The following DCTN2 variants were observed in gnomAD, a reference collection of about 807,000 sequenced individuals.
DCTN2 encodes the protein 50 kDa dynein-associated polypeptide.
DCTN2 carries 18 observed loss-of-function variants against 55.4 expected under a neutral mutation model. The observed-to-expected ratio is 0.32, with a 90% CI of 0.22 to 0.48. The LOEUF (loss-of-function observed/expected upper bound fraction) is 0.48, where lower values mean the gene tolerates loss of function less well. DCTN2 is among the 20% of genes least tolerant of loss of function. The pLI is 0.99. For missense variants in DCTN2, 390 were observed against 491.0 expected (o/e 0.79, Z 1.94); for synonymous variants, 168 against 185.2 (o/e 0.91, Z 0.76).
Position 57,534,432 on chromosome 12 carries a change from G to C in DCTN2, c.384C>G (p.Ala128=). Reference sequence around the variant, plus strand: ...ACACAGGGGTCAGCTTCTCCTCTGTGGCTGACTCCTTCACTGTCGTCTAGT... The same window carrying C: ...ACACAGGGGTCAGCTTCTCCTCTGTCGCTGACTCCTTCACTGTCGTCTAGT... ...EKIKTTVKES[A]TEEKLTPVLL... The change falls in exon 6 of 14, where the codon GCC becomes GCG. Residue 128 remains alanine, a synonymous_variant. Coordinates refer to ENST00000548249, the MANE Select transcript of DCTN2 (RefSeq NM_001261413.2). 1 of 1,604,366 alleles carries C rather than the reference G, an allele frequency of 6.2e-7. No homozygotes were observed. The highest frequency in any genetic ancestry group is 1.1e-5 in the South Asian group (1 of 89,666).
chr12:57,538,197 G>A (rs1369770477), intron 2 of DCTN2: 5 of 447,696 alleles, frequency 1.1e-5, no homozygotes, highest in Non-Finnish European at 2.1e-5. Flanking sequence ...CAGTCACAGG[G>A]ACAGAGAGCA....
chr12:57,539,945 G>C, intron 2 of DCTN2: 1 of 248,224 alleles, frequency 4.0e-6, no homozygotes, highest in Non-Finnish European at 6.4e-6. Flanking sequence ...AGAATCATTT[G>C]AACCCGGGAG....
intron 2 of DCTN2, among the ~76,000 whole-genome samples, chr12:57,540,522 T>C (rs1432836225): frequency 6.6e-6 from 1 of 152,194 alleles, no homozygotes; most frequent in Non-Finnish European, 1.5e-5. Flanking sequence ...TCCCAGTCTC[T>C]TTCACTAAGG....
intron 2 of DCTN2, among the ~76,000 whole-genome samples, chr12:57,543,615 T>C (rs763969105): frequency 6.6e-6 from 1 of 152,106 alleles, no homozygotes; most frequent in Non-Finnish European, 1.5e-5. Flanking sequence ...GCAAGCCCCA[T>C]AGGGACATGC....
rs955508044 is a variant in DCTN2, at chr12:57,531,385, T to C, written c.1120-610A>G. Among the ~76,000 whole-genome samples, 6 of 151,502 alleles carry C rather than the reference T, an allele frequency of 4.0e-5. No homozygotes were observed. The East Asian group carries it at 1.2e-3, about 29-fold the overall frequency. On this transcript the variant is annotated intron_variant, in intron 13 of 13. Coordinates refer to ENST00000548249, the MANE Select transcript of DCTN2 (RefSeq NM_001261413.2). ...TAAAAAAAAAAATTAGGTGTGGTGG[T>C]GCGTGCCTGTAATCCCAGCTACTCA...
intron 5 of DCTN2, 126 bp from the exon 6 acceptor site, chr12:57,534,578 G>T: frequency 2.1e-6 from 2 of 942,444 alleles, no homozygotes; most frequent in Non-Finnish European, 3.1e-6. Context: ...ATGACAGACT[G>T]CCCACCTGTA....
At chr12:57,530,850 C>CT in intron 13 of DCTN2, 75 bp from the exon 14 acceptor site, 1 of 1,267,274 alleles carries the variant, frequency 7.9e-7, no homozygotes, top group Non-Finnish European at 1.1e-6. Context: ...AAGGAATTCT[C>CT]TGAGAGAGAA....
chr12:57,538,194 A>G (rs969730234), intron 2 of DCTN2: 1 of 437,832 alleles, frequency 2.3e-6, no homozygotes, highest in Non-Finnish European at 4.3e-6. Flanking sequence ...GGACAGTCAC[A>G]GGGACAGAGA....
Position 57,530,698 on chromosome 12 carries a change from C to G in DCTN2, c.1197G>C (p.Leu399=). The change falls in exon 14 of 14, where the codon CTG becomes CTC. Residue 399 remains leucine (L), a synonymous_variant. Transcript: ENST00000548249. ...CAGCTCCCAAATGTGCTCACTTTCC[C>G]AGCTTCTTCATCCGTTCATCAATGC... The part of the protein sequence containing the change: ...FASIDERMKK[L]GK 1 of 1,613,814 alleles carries G rather than the reference C, an allele frequency of 6.2e-7. No individual in the cohort carries two copies. The highest frequency in any genetic ancestry group is 8.5e-7 in the Non-Finnish European group (1 of 1,179,748).
chr12:57,546,372 A>C (rs1408688596), intron 1 of DCTN2, among the ~76,000 whole-genome samples: 6 of 152,088 alleles, frequency 3.9e-5, no homozygotes, highest in Non-Finnish European at 7.4e-5. Flanking sequence ...GGTCCTTGGC[A>C]ATCACTATTG....
At chr12:57,536,349 A>G (rs572196222) in intron 2 of DCTN2, among the ~76,000 whole-genome samples, 3 of 152,390 alleles carry the variant, frequency 2.0e-5, no homozygotes, top group Admixed American at 6.5e-5. Context: ...TGTTGAAGGT[A>G]AGACACAAGC....
In DCTN2 at chr12:57,535,811, A is replaced by G. The variant is rs1048332098; in HGVS notation, c.140T>C (p.Ile47Thr). The change falls in exon 3 of 14, where the codon ATT becomes ACT. Residue 47 changes from isoleucine (I) to threonine (T), a missense_variant. By Grantham distance (89) the Ile-to-Thr change is moderately conservative. Coordinates refer to ENST00000548249, the MANE Select transcript of DCTN2 (RefSeq NM_001261413.2). ...GTCATAGGCAGCATTAGGATTGACA[A>G]TGATGTGTTCCACACTTGTGCTTGT... is the stretch of plus-strand genomic sequence containing the variant. ...ELTSTSVEHI[I>T]VNPNAAYDKF... The G allele has an allele frequency of 3.7e-6, 6 of 1,613,924 alleles. No individual in the cohort carries two copies. Among genetic ancestry groups the G allele is most frequent in the African/African-American group, 1.3e-5 (1 of 75,064 alleles).
intron 7 of DCTN2, 147 bp downstream of exon 7, chr12:57,533,806 A>G (rs1490601277): frequency 1.1e-6 from 1 of 896,598 alleles, no homozygotes; most frequent in African/African-American, 1.7e-5. Flanking sequence ...ATAGAGAACA[A>G]CGAATCAGGA....
rs1389671888 is a variant in DCTN2, at chr12:57,530,651, G to T, written c.*38C>A. 5 of 1,550,342 alleles carry T rather than the reference G, an allele frequency of 3.2e-6. No homozygotes were observed. Among genetic ancestry groups the T allele is most frequent in the Admixed American group, 1.7e-5 (1 of 59,548 alleles). ...GTAAGCTGTTAACAGAGTTCACAGG[G>T]GTAGGGATAACCCCTGTTCTCCAGC... On this transcript the variant is annotated 3_prime_UTR_variant, in exon 14 of 14. Transcript: ENST00000548249.
In DCTN2 at chr12:57,532,983, C is replaced by T. The variant is rs1413341832; in HGVS notation, c.774+1G>A. 3 of 1,602,960 alleles carry T rather than the reference C, an allele frequency of 1.9e-6. No individual in the cohort carries two copies. The highest frequency in any genetic ancestry group is 4.5e-5 in the East Asian group (2 of 44,776). On this transcript the variant is annotated splice_donor_variant, in intron 9 of 13. Transcript: ENST00000548249. LOFTEE classifies it high-confidence loss of function. ...AACACTCCAGTTTCTTCCAAACTCACCATGAGACAGGCTCCCTGTAGACCT... is the reference window on the plus strand; with the variant it reads ...AACACTCCAGTTTCTTCCAAACTCATCATGAGACAGGCTCCCTGTAGACCT...
Position 57,547,160 on chromosome 12 carries a change from G to GGCGGCAAAGGGA in DCTN2, c.-109_-98dup. The GGCGGCAAAGGGA allele has an allele frequency of 9.8e-7, 1 of 1,020,670 alleles. No homozygotes were observed. The highest frequency in any genetic ancestry group is 1.3e-6 in the Non-Finnish European group (1 of 784,170). 63.2% of individuals were successfully genotyped at this position (1,020,670 alleles called of 1,614,324 possible). On this transcript the variant is annotated 5_prime_UTR_variant, in exon 1 of 14. Transcript: ENST00000548249. The stretch of plus-strand genomic sequence containing the variant: ...CTGGGTTCGGGTCCCGGGCTAAGGC[G>GGCGGCAAAGGGA]GCGGCAAAGGGAGCGGCAGATGAGC...
rs147898327 is a variant in DCTN2 at position 57,543,254 on chromosome 12, C to T, written c.105+2774G>A. 2.7e-3 allele frequency: 921 copies of T among 344,048 alleles called. 3 individuals carry two copies. In the East Asian group the frequency reaches 0.042, roughly 16 times the overall value. 21.3% of individuals were successfully genotyped at this position (344,048 alleles called of 1,614,324 possible). A position where few individuals can be genotyped will look rare whatever the true frequency, so the allele number is the denominator to read the frequency against. On this transcript the variant is annotated intron_variant, in intron 2 of 13. Transcript: ENST00000548249. ...GTCTCAGCTACTCGGGAGGCTAAGG[C>T]AGGAGAATGGCGTGAACCCGGGAGG...
At position 57,534,333 on chromosome 12, in the gene DCTN2, A is replaced by T. The variant is rs1187659780; in HGVS notation, c.483T>A (p.Asp161Glu). ...CGGGGTCGGTAAGGTTGATTGCAGC[A>T]TCTGGTCCCAGCAGCTTCTCCAGGT... ...ASHLEKLLGPDAAINLTDPDG... is the reference protein window; with the variant it reads ...ASHLEKLLGPEAAINLTDPDG... The change falls in exon 6 of 14, where the codon GAT (aspartate) becomes GAA (glutamate). Residue 161 changes from aspartate (D) to glutamate (E), a missense_variant. This residue lies in a region of DCTN2 where 273 missense variants were observed against 303.2 expected (regional missense o/e 0.90). Transcript: ENST00000548249. 1.2e-6 allele frequency: 2 copies of T among 1,610,380 alleles called. No homozygotes were observed. The highest frequency in any genetic ancestry group is 2.7e-5 in the African/African-American group (2 of 74,930).
Position 57,533,850 on chromosome 12 carries a change from G to A in DCTN2, c.669+103C>T, listed in dbSNP as rs970918997. The A allele has an allele frequency of 2.2e-5, 27 of 1,206,114 alleles. No homozygotes were observed. In the African/African-American group the frequency reaches 4.0e-4, roughly 18 times the overall value. The allele number at this position is 1,206,114 out of a possible 1,614,324, so 74.7% of individuals were successfully genotyped here. A position where few individuals can be genotyped will look rare whatever the true frequency, so the allele number is the denominator to read the frequency against. ...AGGAATCAATCAAGAGGAATCAGAGGAATCAGAAGCCTTCCCAGCACCCTC... is the reference window on the plus strand; with the variant it reads ...AGGAATCAATCAAGAGGAATCAGAGAAATCAGAAGCCTTCCCAGCACCCTC... On this transcript the variant is annotated intron_variant, in intron 7 of 13. Transcript: ENST00000548249.
Sources: allele counts gnomAD v4.1 joint callset (sites outside exome capture counted in the v4.1 genomes callset), GRCh38; gene constraint gnomAD v4.1.1; regional missense constraint gnomAD v4.1.1; transcripts MANE v1.5; gene names NCBI Gene and HGNC (gene_info 2026-07-23, HGNC 2026-07-21).